Variants in NRG1 observed in about 807,000 individuals in gnomAD.
NRG1 encodes the protein neuregulin 1.
In NRG1, 18 loss-of-function variants were observed where a neutral mutation model predicts 63.8. That is an observed-to-expected ratio of 0.28 (90% CI 0.19 to 0.42). NRG1 has a LOEUF of 0.42. Ranked by LOEUF, NRG1 falls within the 10% of genes least tolerant of loss-of-function variation. NRG1 has a pLI of 1.00. For synonymous variants in NRG1, 302 were observed against 301.3 expected (o/e 1.00, Z -0.02); for missense variants, 762 against 814.7 (o/e 0.94, Z 0.79).
intron 1 of NRG1, among the ~76,000 whole-genome samples, chr8:31,852,347 C>G (rs1258561472): frequency 1.3e-5 from 2 of 150,776 alleles, no homozygotes; most frequent in East Asian, 2.0e-4. Flanking sequence ...ATTTGCATTT[C>G]TCTGATGGCC....
chr8:32,263,109 G>C (rs916011135), intron 1 of NRG1, among the ~76,000 whole-genome samples: 1 of 152,130 alleles, frequency 6.6e-6, no homozygotes, highest in African/African-American at 2.4e-5. Flanking sequence ...ACTAGATTTT[G>C]GCACACAGTA....
intron 1 of NRG1, among the ~76,000 whole-genome samples, chr8:32,364,396 C>T (rs1807670359): frequency 6.6e-6 from 1 of 152,056 alleles, no homozygotes. Flanking sequence ...ACATATACCT[C>T]TTTTGTAATA....
At chr8:32,748,370 G>C (rs989817505) in intron 7 of NRG1, among the ~76,000 whole-genome samples, 2,618 of 149,696 alleles carry the variant, frequency 0.017, 33 homozygotes, top group East Asian at 0.058. Flanking sequence ...GAGAGAGAGA[G>C]AGAGAGAGAG....
intron 1 of NRG1, among the ~76,000 whole-genome samples, chr8:32,126,177 A>G (rs1834045314): frequency 6.6e-6 from 1 of 151,868 alleles, no homozygotes; most frequent in Non-Finnish European, 1.5e-5. Context: ...TAGATTTAAT[A>G]CCATTGCTCT....
chr8:32,313,041 T>G (rs987189059), intron 1 of NRG1, among the ~76,000 whole-genome samples: 1 of 152,002 alleles, frequency 6.6e-6, no homozygotes, highest in Non-Finnish European at 1.5e-5. Flanking sequence ...TAATCCCAGC[T>G]ACTCGGGAGG....
intron 1 of NRG1, among the ~76,000 whole-genome samples, chr8:31,967,579 G>T: frequency 6.6e-6 from 1 of 152,176 alleles, no homozygotes; most frequent in Admixed American, 6.5e-5. Context: ...AAGACAATTT[G>T]TTAAGGCTTA....
intron 1 of NRG1, among the ~76,000 whole-genome samples, chr8:32,457,640 A>G (rs1821765964): frequency 6.6e-6 from 1 of 152,184 alleles, no homozygotes; most frequent in African/African-American, 2.4e-5. Context: ...GTGTTCCTCT[A>G]TGTCATTTAC....
At chr8:32,639,319 T>C (rs1006397034) in intron 5 of NRG1, among the ~76,000 whole-genome samples, 5 of 152,070 alleles carry the variant, frequency 3.3e-5, no homozygotes, top group Non-Finnish European at 5.9e-5. Flanking sequence ...GACAGGAGAA[T>C]CACTGGAACC....
At chr8:31,735,530 A>T (rs1814574739) in intron 1 of NRG1, among the ~76,000 whole-genome samples, 1 of 152,198 alleles carries the variant, frequency 6.6e-6, no homozygotes, top group Admixed American at 6.5e-5. Flanking sequence ...TGTATACTTT[A>T]GTCTTTAAGT....
chr8:32,240,063 G>A (rs957266498), intron 1 of NRG1, among the ~76,000 whole-genome samples: 4 of 152,088 alleles, frequency 2.6e-5, no homozygotes, highest in African/African-American at 9.7e-5. Flanking sequence ...ATTTATCCCA[G>A]AGAAGTAAAA....
At chr8:32,683,470 CAG>C (rs1334296882) in intron 5 of NRG1, among the ~76,000 whole-genome samples, 2 of 152,192 alleles carry the variant, frequency 1.3e-5, no homozygotes, top group African/African-American at 2.4e-5. Context: ...AATCACCAAA[CAG>C]AGTGCACTTT....
intron 1 of NRG1, among the ~76,000 whole-genome samples, chr8:32,583,424 G>A (rs1841054287): frequency 6.6e-6 from 1 of 152,074 alleles, no homozygotes; most frequent in East Asian, 1.9e-4. Flanking sequence ...TATCAAGCTT[G>A]TGGCAAAAGC....
At chr8:32,585,879 G>T (rs1300616821) in intron 1 of NRG1, among the ~76,000 whole-genome samples, 1 of 152,092 alleles carries the variant, frequency 6.6e-6, no homozygotes, top group African/African-American at 2.4e-5. Flanking sequence ...TTAGCACATT[G>T]TCTGGTAGTT....
intron 1 of NRG1, among the ~76,000 whole-genome samples, chr8:32,537,051 A>T (rs925019889): frequency 3.3e-5 from 5 of 150,452 alleles, no homozygotes; most frequent in African/African-American, 1.2e-4. Context: ...CTAAAAATAC[A>T]AAAATTGGCC....
chr8:32,711,482 A>G (rs1344674342), intron 5 of NRG1, among the ~76,000 whole-genome samples: 1 of 152,160 alleles, frequency 6.6e-6, no homozygotes, highest in Non-Finnish European at 1.5e-5. Context: ...CCTAGCTAAC[A>G]TTATCAATGC....
chr8:32,716,512 A>G (rs1008197899), intron 5 of NRG1, among the ~76,000 whole-genome samples: 1 of 152,206 alleles, frequency 6.6e-6, no homozygotes, highest in Admixed American at 6.5e-5. Flanking sequence ...GAGTTATTAC[A>G]GCTCCAGGAG....
intron 1 of NRG1, among the ~76,000 whole-genome samples, chr8:31,986,256 A>G (rs1046257229): frequency 1.3e-5 from 2 of 152,044 alleles, no homozygotes; most frequent in African/African-American, 2.4e-5. Flanking sequence ...TCAGTAAGAG[A>G]TCATTGGCTT....
chr8:32,404,585 CTTTTT>C (rs35437908), intron 1 of NRG1, among the ~76,000 whole-genome samples: 5 of 116,972 alleles, frequency 4.3e-5, no homozygotes, highest in Admixed American at 3.9e-4. Flanking sequence ...TCTTCTTCAT[CTTTTT>C]TTTTTTTTTT....
chr8:31,721,164 AT>A (rs996481753), intron 1 of NRG1, among the ~76,000 whole-genome samples: 4 of 151,368 alleles, frequency 2.6e-5, no homozygotes, highest in Admixed American at 6.6e-5. Context: ...AACTTTGCCA[AT>A]TTTTTTTTCT....
Sources: allele counts gnomAD v4.1 joint callset (sites outside exome capture counted in the v4.1 genomes callset), GRCh38; gene constraint gnomAD v4.1.1; transcripts MANE v1.5; gene names NCBI Gene and HGNC (gene_info 2026-07-23, HGNC 2026-07-21).